The following RNF212 variants were observed in gnomAD, a reference collection of about 807,000 sequenced individuals.
RNF212 encodes the protein ring finger protein 212, also known as probable E3 SUMO-protein ligase RNF212.
Under a neutral mutation model 34.7 loss-of-function variants are expected in RNF212, and 33 were observed. That is an observed-to-expected ratio of 0.95 (90% CI 0.72 to 1.27). The LOEUF (loss-of-function observed/expected upper bound fraction) is 1.27, where lower values mean the gene tolerates loss of function less well. Ranked by LOEUF, RNF212 falls within the 50% of genes most tolerant of loss-of-function variation. The pLI is 0.00. For synonymous variants in RNF212, 140 were observed against 136.1 expected (o/e 1.03, Z -0.20); for missense variants, 377 against 362.2 (o/e 1.04, Z -0.33).
intron 1 of RNF212, 32 bp downstream of exon 1, chr4:1,113,324 C>G (rs1431492041): frequency 6.7e-7 from 1 of 1,502,550 alleles, no homozygotes; most frequent in South Asian, 1.2e-5. Flanking sequence ...CGCTCCCCTC[C>G]CCTCTCCAGC....
intron 3 of RNF212, chr4:1,093,415 T>A: frequency 7.0e-7 from 1 of 1,423,566 alleles, no homozygotes; most frequent in Non-Finnish European, 9.2e-7. Flanking sequence ...TATTAGAGCA[T>A]AAATGTTACA....
Position 1,058,312 on chromosome 4 carries a change from G to GTTAGAACGCTGTGAAGAAGGTGCTT in RNF212, n.220+8_220+9insAAGCACCTTCTTCACAGCGTTCTAA, listed in dbSNP as rs1296586766. Reference sequence around the variant, plus strand: ...CGCAGTGAAGAAGGTGCTTGCGGGGGGGCACTACCTGAGAGGCTTTCCCAT... The same window carrying GTTAGAACGCTGTGAAGAAGGTGCTT: ...CGCAGTGAAGAAGGTGCTTGCGGGGGTTAGAACGCTGTGAAGAAGGTGCTTGGCACTACCTGAGAGGCTTTCCCAT... On this transcript the variant is annotated intron_variant and non_coding_transcript_variant, in intron 4 of 4. Coordinates refer to the RNF212 transcript ENST00000503206. 44 of 718,148 alleles carry GTTAGAACGCTGTGAAGAAGGTGCTT rather than the reference G, an allele frequency of 6.1e-5. 3 individuals are homozygous for GTTAGAACGCTGTGAAGAAGGTGCTT. The highest frequency in any genetic ancestry group is 4.4e-4 in the Admixed American group (6 of 13,706). The allele number at this position is 718,148 out of a possible 1,614,324, so 44.5% of individuals were successfully genotyped here.
chr4:1,093,368 C>T (rs1722494405), intron 3 of RNF212: 2 of 1,152,910 alleles, frequency 1.7e-6, no homozygotes, highest in Non-Finnish European at 2.2e-6. Flanking sequence ...GATGTGTTAA[C>T]ATATTGTAAC....
chr4:1,084,025 C>T (rs912854750), intron 5 of RNF212, among the ~76,000 whole-genome samples: 1 of 150,888 alleles, frequency 6.6e-6, no homozygotes, highest in Non-Finnish European at 1.5e-5. Flanking sequence ...CTTGGCTCAC[C>T]GCAACCTCTG....
intron 2 of RNF212, among the ~76,000 whole-genome samples, chr4:1,103,720 T>G (rs1043008984): frequency 6.6e-6 from 1 of 152,172 alleles, no homozygotes; most frequent in African/African-American, 2.4e-5. Context: ...TTAACAAAAT[T>G]CAATACCATT....
At chr4:1,064,886 TCA>T (rs1717987747) in intron 3 of RNF212, among the ~76,000 whole-genome samples, 1 of 152,194 alleles carries the variant, frequency 6.6e-6, no homozygotes, top group Non-Finnish European at 1.5e-5. Flanking sequence ...ACACATGGAC[TCA>T]CACAGCATTT....
chr4:1,061,569 G>A (rs1457768145), intron 3 of RNF212, among the ~76,000 whole-genome samples: 4 of 152,156 alleles, frequency 2.6e-5, no homozygotes, highest in Non-Finnish European at 5.9e-5. Flanking sequence ...ACTGGATATC[G>A]GCTCCCCACA....
intron 4 of RNF212, chr4:1,056,751 G>C (rs939537152): frequency 2.7e-6 from 2 of 743,342 alleles, no homozygotes; most frequent in Non-Finnish European, 3.3e-6. Flanking sequence ...CTCCATGGCT[G>C]CCCTTGGCAC....
chr4:1,106,533 T>C (rs989387366), intron 2 of RNF212, among the ~76,000 whole-genome samples: 1 of 152,140 alleles, frequency 6.6e-6, no homozygotes, highest in Admixed American at 6.5e-5. Flanking sequence ...AATAAAGACA[T>C]ATTAGAGATT....
rs1397098866 is a variant in RNF212, at chr4:1,072,858, G to C, written c.*16C>G. 2 of 1,563,220 alleles carry C rather than the reference G, an allele frequency of 1.3e-6. No homozygotes were observed. The highest frequency in any genetic ancestry group is 1.2e-5 in the South Asian group (1 of 85,590). ...TTGAAAACACTCAGAATCATTAATA[G>C]TCACATAAATGCAAATCAAAATGAC... is the stretch of plus-strand genomic sequence containing the variant. On this transcript the variant is annotated 3_prime_UTR_variant, in exon 10 of 10. Coordinates refer to ENST00000433731, the MANE Select transcript of RNF212 (RefSeq NM_001131034.4).
intron 2 of RNF212, among the ~76,000 whole-genome samples, chr4:1,101,814 AG>A (rs1056317794): frequency 3.9e-5 from 6 of 152,230 alleles, no homozygotes; most frequent in African/African-American, 1.4e-4. Flanking sequence ...AGCTTGCAGC[AG>A]GGGGTAAACT....
rs142228667 is a variant in RNF212, at chr4:1,072,982, G to T, written c.786C>A (p.Ala262=). 1 of 1,614,166 alleles carries T rather than the reference G, an allele frequency of 6.2e-7. No homozygotes were observed. ...CAGCCTGCTGGAACGGAAACAAGAC[G>T]GCCCTTTGTACCTCAGCATATATTG... ...TLPIYAEVQR[A]VLFPFQQAEG... Residue 262 remains alanine, a synonymous_variant, in exon 10 of 10, where the codon GCC becomes GCA. Coordinates refer to ENST00000433731, the MANE Select transcript of RNF212 (RefSeq NM_001131034.4).
chr4:1,097,026 C>T (rs1033858859), intron 2 of RNF212, among the ~76,000 whole-genome samples, 187 bp from the exon 3 acceptor site: 1 of 152,226 alleles, frequency 6.6e-6, no homozygotes, highest in Non-Finnish European at 1.5e-5. Context: ...TCGTCCTGGC[C>T]ACTTCCCTCT....
chr4:1,095,952 C>G (rs57096673), intron 3 of RNF212, among the ~76,000 whole-genome samples: 3 of 44,430 alleles, frequency 6.8e-5, no homozygotes, highest in South Asian at 1.8e-3. Context: ...CTCGGGATAG[C>G]GCACCTGGCT....
At chr4:1,081,535 T>C in intron 6 of RNF212, 32 bp downstream of exon 6, 1 of 1,607,702 alleles carries the variant, frequency 6.2e-7, no homozygotes, top group Non-Finnish European at 8.5e-7. Context: ...TGCATCTCTA[T>C]TTTGTTCTCT....
intron 5 of RNF212, chr4:1,081,888 G>A (rs1436695354): frequency 8.9e-6 from 4 of 450,170 alleles, no homozygotes; most frequent in Middle Eastern, 6.3e-4. Flanking sequence ...TCAGCACATG[G>A]CCACTGCGGG....
intron 1 of RNF212, among the ~76,000 whole-genome samples, chr4:1,110,359 A>C (rs1725466432): frequency 6.6e-6 from 1 of 152,202 alleles, no homozygotes; most frequent in Non-Finnish European, 1.5e-5. Flanking sequence ...CTCACGTGTC[A>C]CTACAGGGAA....
intron 2 of RNF212, among the ~76,000 whole-genome samples, chr4:1,097,688 CCTCA>C (rs1233015649): frequency 6.6e-6 from 1 of 152,116 alleles, no homozygotes; most frequent in Non-Finnish European, 1.5e-5. Context: ...TCTGGCCTTC[CCTCA>C]CTTTCCCCAG....
downstream of RNF212, among the ~76,000 whole-genome samples, chr4:1,066,895 G>A (rs1409769833): frequency 6.6e-6 from 1 of 151,798 alleles, no homozygotes; most frequent in Non-Finnish European, 1.5e-5. Context: ...TGAACCTTTT[G>A]CTCTATGTTT....
Sources: gnomAD v4.1 joint callset for allele counts (sites outside exome capture counted in the v4.1 genomes callset) on GRCh38, gnomAD v4.1.1 for gene constraint, MANE v1.5 for transcripts, NCBI Gene and HGNC (gene_info 2026-07-23, HGNC 2026-07-21) for gene names.